L3MBTL4: variants seen among roughly 807,000 people sequenced by gnomAD.
L3MBTL4 encodes the protein lethal(3)malignant brain tumor-like protein 4.
L3MBTL4 carries 70 observed loss-of-function variants against 84.5 expected under a neutral mutation model. The ratio of observed to expected loss-of-function variants is 0.83; its 90% CI spans 0.68 to 1.01. The LOEUF (loss-of-function observed/expected upper bound fraction) is 1.01. L3MBTL4 is among the 50% of genes least tolerant of loss of function. L3MBTL4 has a pLI of 0.00. For missense variants in L3MBTL4, 715 were observed against 754.8 expected, an observed-to-expected ratio of 0.95 and a Z score of 0.62; for synonymous variants, 274 against 259.8, an observed-to-expected ratio of 1.05 and a Z score of -0.52.
In L3MBTL4 at chr18:5,990,952, A is replaced by G. The variant is rs76596005; in HGVS notation, c.1445-21390T>C. 0.014 allele frequency among the ~76,000 whole-genome samples: 2,074 copies of G among 151,994 alleles called. 103 individuals are homozygous for G. In the East Asian group the frequency reaches 0.15, roughly 11 times the overall value. On this transcript the variant is annotated intron_variant, in intron 16 of 18. Coordinates refer to ENST00000317931, the MANE Select transcript of L3MBTL4 (RefSeq NM_001330559.2). ...ATATCATTTTCTTCCTCTCTGATTC[A>G]CTCATCTGTCTCCCCATCTCTCTGA...
intron 1 of L3MBTL4, among the ~76,000 whole-genome samples, chr18:6,403,629 T>C (rs8087811): frequency 0.17 from 25,574 of 152,218 alleles, 2,239 homozygotes; most frequent in African/African-American, 0.21. Context: ...TTTCTGACAG[T>C]ATGTATAAGT....
At chr18:6,029,565 A>G in intron 16 of L3MBTL4, 1 of 985,434 alleles carries the variant, frequency 1.0e-6, no homozygotes, top group Non-Finnish European at 1.2e-6. Flanking sequence ...TATTGCAGCA[A>G]CAAAAACGAT....
chr18:6,342,684 A>G (rs1019318039), intron 1 of L3MBTL4, among the ~76,000 whole-genome samples: 14 of 152,158 alleles, frequency 9.2e-5, no homozygotes, highest in African/African-American at 3.4e-4. Context: ...AATAAACTAC[A>G]AAACAGTGAA....
intron 10 of L3MBTL4, among the ~76,000 whole-genome samples, chr18:6,225,569 G>C (rs1421913843): frequency 6.6e-6 from 1 of 152,084 alleles, no homozygotes; most frequent in South Asian, 2.1e-4. Flanking sequence ...AGATAAGCCT[G>C]GGAAACATGG....
intron 1 of L3MBTL4, among the ~76,000 whole-genome samples, chr18:6,391,654 G>A (rs959421684): frequency 3.3e-5 from 5 of 151,454 alleles, no homozygotes; most frequent in South Asian, 2.1e-4. Flanking sequence ...CAAAATCAAC[G>A]TACACAGATT....
chr18:6,100,233 C>G (rs147944023), intron 14 of L3MBTL4, among the ~76,000 whole-genome samples: 3,018 of 152,188 alleles, frequency 0.02, 42 homozygotes, highest in Admixed American at 0.034. Flanking sequence ...ACATAGTGAC[C>G]AGCACAAATT....
intron 16 of L3MBTL4, among the ~76,000 whole-genome samples, chr18:5,999,842 G>T (rs1193688646): frequency 6.6e-6 from 1 of 152,220 alleles, no homozygotes; most frequent in Admixed American, 6.5e-5. Context: ...ATGGGGACAG[G>T]ACCTTGGGTG....
At chr18:6,301,999 A>G (rs1382361369) in intron 3 of L3MBTL4, 42 bp from the exon 4 acceptor site, 7 of 1,472,848 alleles carry the variant, frequency 4.8e-6, no homozygotes, top group Non-Finnish European at 6.7e-6. Flanking sequence ...TTGCTGGATA[A>G]TTGTTGGAAA....
chr18:6,224,749 C>T (rs75460087), intron 10 of L3MBTL4, among the ~76,000 whole-genome samples: 1,663 of 152,150 alleles, frequency 0.011, 31 homozygotes, highest in African/African-American at 0.037. Flanking sequence ...AAACAAAACA[C>T]GTGGTTTCCA....
intron 1 of L3MBTL4, chr18:6,396,583 C>A (rs1568603115): frequency 6.6e-6 from 1 of 152,258 alleles, no homozygotes; most frequent in African/African-American, 2.4e-5. Flanking sequence ...CATGTGGAAA[C>A]CACCCCTGTG....
chr18:6,391,529 G>C (rs570879060), intron 1 of L3MBTL4, among the ~76,000 whole-genome samples: 6 of 152,204 alleles, frequency 3.9e-5, no homozygotes, highest in African/African-American at 7.2e-5. Flanking sequence ...GATTGGAAAA[G>C]AGGGAGTCAA....
chr18:5,994,450 C>T (rs1304373305), intron 16 of L3MBTL4, among the ~76,000 whole-genome samples: 1 of 152,236 alleles, frequency 6.6e-6, no homozygotes, highest in Non-Finnish European at 1.5e-5. Context: ...GTACCTGCCA[C>T]TTCTTGTTCT....
chr18:6,069,126 C>T (rs984443361), intron 16 of L3MBTL4, among the ~76,000 whole-genome samples: 2 of 152,254 alleles, frequency 1.3e-5, no homozygotes, highest in Non-Finnish European at 2.9e-5. Flanking sequence ...CAGTTACATA[C>T]ACTCTGTGAG....
intron 15 of L3MBTL4, among the ~76,000 whole-genome samples, chr18:6,089,536 C>A: frequency 6.6e-6 from 1 of 152,068 alleles, no homozygotes; most frequent in Non-Finnish European, 1.5e-5. Context: ...TTTTTCAAAG[C>A]CTTAAGCTGT....
At chr18:6,185,846 G>C (rs1012201801) in intron 12 of L3MBTL4, among the ~76,000 whole-genome samples, 1 of 152,154 alleles carries the variant, frequency 6.6e-6, no homozygotes, top group African/African-American at 2.4e-5. Flanking sequence ...ATAGACATGT[G>C]AGAAATGACT....
intron 1 of L3MBTL4, among the ~76,000 whole-genome samples, chr18:6,351,713 G>A (rs939242993): frequency 8.6e-5 from 13 of 151,834 alleles, no homozygotes; most frequent in Non-Finnish European, 1.8e-4. Context: ...CACCACCCCC[G>A]GCTAATTTTT....
chr18:6,268,559 G>A (rs1235555266), intron 4 of L3MBTL4, among the ~76,000 whole-genome samples: 1 of 152,164 alleles, frequency 6.6e-6, no homozygotes, highest in Non-Finnish European at 1.5e-5. Context: ...CACTGCTTCA[G>A]TCACTAAATT....
At chr18:6,213,400 C>T (rs2046196661) in intron 11 of L3MBTL4, 141 bp from the exon 12 acceptor site, 1 of 570,368 alleles carries the variant, frequency 1.8e-6, no homozygotes. Context: ...TTTTGTTTTG[C>T]TTTTTTGTTT....
At chr18:5,982,007 T>TGA (rs1329111334) in intron 16 of L3MBTL4, among the ~76,000 whole-genome samples, 2 of 97,578 alleles carry the variant, frequency 2.0e-5, no homozygotes, top group Non-Finnish European at 3.5e-5. Context: ...TGTGTGTGTG[T>TGA]GTTTTGGGAA....
Sources: gnomAD v4.1 joint callset for allele counts (sites outside exome capture counted in the v4.1 genomes callset) on GRCh38, gnomAD v4.1.1 for gene constraint, MANE v1.5 for transcripts, NCBI Gene and HGNC (gene_info 2026-07-23, HGNC 2026-07-21) for gene names.